Variants in CPSF4 observed in about 807,000 individuals in gnomAD.
CPSF4 encodes the protein cleavage and polyadenylation specific factor 4.
CPSF4 carries 11 observed loss-of-function variants against 37.7 expected under a neutral mutation model. The observed-to-expected ratio is 0.29, with a 90% confidence interval of 0.18 to 0.48. CPSF4 has a LOEUF of 0.48. Ranked by LOEUF, CPSF4 falls within the 20% of genes least tolerant of loss-of-function variation. CPSF4 has a pLI of 0.99. For missense variants in CPSF4, 144 were observed against 359.5 expected (o/e 0.40, Z 4.85); for synonymous variants, 132 against 135.9 (o/e 0.97, Z 0.20).
chr7:99,439,394 T>A (rs1254969987), intron 1 of CPSF4: 3 of 494,856 alleles, frequency 6.1e-6, no homozygotes, highest in African/African-American at 6.0e-5. Flanking sequence ...TCCCCTTTAG[T>A]TACCGAACTC....
At chr7:99,439,209 G>T in intron 1 of CPSF4, 24 bp downstream of exon 1, 1 of 1,554,958 alleles carries the variant, frequency 6.4e-7, no homozygotes. Flanking sequence ...CCGGGCGGGA[G>T]GGCAAGAGCG....
chr7:99,439,560 C>T (rs774637049), intron 1 of CPSF4: 1 of 199,244 alleles, frequency 5.0e-6, no homozygotes, highest in Non-Finnish European at 1.0e-5. Context: ...CAGGAGTTCA[C>T]TGCCTCGGAT....
At position 99,440,338 on chromosome 7, in the gene CPSF4, GTGTTTT is replaced by G. The variant is rs1796789228; in HGVS notation, c.103+1158_103+1163del. ...GTGACCTCTGAGTCTGTCCCTTTATGTGTTTTTGTTGTTGTTGTTTGTTTGCTTTTG... is the reference window on the plus strand; with the variant it reads ...GTGACCTCTGAGTCTGTCCCTTTATGTGTTGTTGTTGTTTGTTTGCTTTTG... On this transcript the variant is annotated intron_variant, in intron 1 of 7. Coordinates refer to ENST00000292476, the MANE Select transcript of CPSF4 (RefSeq NM_006693.4). 2.6e-5 allele frequency among the ~76,000 whole-genome samples: 4 copies of G among 152,002 alleles called. No homozygotes were observed. The South Asian group carries it at 8.3e-4, about 32-fold the overall frequency.
intron 1 of CPSF4, chr7:99,442,962 G>A (rs1797152834): frequency 6.9e-6 from 11 of 1,592,594 alleles, no homozygotes; most frequent in Non-Finnish European, 9.5e-6. Context: ...AGCTGAACTT[G>A]TGACAATCCC....
At chr7:99,443,605 A>G in intron 1 of CPSF4, 1 of 530,422 alleles carries the variant, frequency 1.9e-6, no homozygotes, top group Admixed American at 3.1e-5. Flanking sequence ...CGAGGTCAGG[A>G]GTTCGAGACC....
intron 1 of CPSF4, among the ~76,000 whole-genome samples, chr7:99,442,104 C>CT (rs1375672999): frequency 6.6e-6 from 1 of 152,192 alleles, no homozygotes; most frequent in Non-Finnish European, 1.5e-5. Context: ...GCCAAGGAAT[C>CT]TTTTGTGATT....
At chr7:99,440,655 C>CGCATATATATATAT (rs1363427698) in intron 1 of CPSF4, among the ~76,000 whole-genome samples, 17 of 90,580 alleles carry the variant, frequency 1.9e-4, no homozygotes, top group Admixed American at 1.1e-3. Context: ...CTGCACCTGG[C>CGCATATATATATAT]ATATATATAT....
chr7:99,447,254 CCTTTCTTTTTTTTTTT>C (rs1476090582), intron 2 of CPSF4, among the ~76,000 whole-genome samples: 1 of 146,904 alleles, frequency 6.8e-6, no homozygotes, highest in African/African-American at 2.7e-5. Flanking sequence ...CGGCCAAGTT[CCTTTCTTTTTTTTTTT>C]CTTTTTTTTT....
intron 1 of CPSF4, chr7:99,439,465 G>C (rs1005630766): frequency 3.4e-5 from 12 of 349,482 alleles, no homozygotes; most frequent in Non-Finnish European, 5.2e-5. Flanking sequence ...TCTGGATCCC[G>C]GGACGCTCCC....
In CPSF4 at chr7:99,453,850, A is replaced by G. The variant is rs1445354391; in HGVS notation, c.571-116A>G. On this transcript the variant is annotated intron_variant, in intron 6 of 7. Transcript: ENST00000292476. The surrounding 1 kb of genome is among the most constrained non-coding windows in gnomAD (Gnocchi z 4.7). ...ACTGTCCTGAGGTGGGCCGTCGTGG[A>G]AGCCCTGCTTCCTGCCGTTTGCGGG... 1.1e-6 allele frequency: 1 copy of G among 949,678 alleles called. No homozygotes were observed. The highest frequency in any genetic ancestry group is 2.2e-5 in the Admixed American group (1 of 46,108). The allele number at this position is 949,678 out of a possible 1,614,324, so 58.8% of individuals were successfully genotyped here.
At chr7:99,440,946 TC>T (rs565572357) in intron 1 of CPSF4, among the ~76,000 whole-genome samples, 1 of 144,430 alleles carries the variant, frequency 6.9e-6, no homozygotes, top group African/African-American at 2.6e-5. Context: ...CCTTTTCCTG[TC>T]TTTTTTTTTT....
At position 99,454,122 on chromosome 7, in the gene CPSF4, G is replaced by A; in HGVS notation, c.727G>A (p.Val243Ile). The change falls in exon 7 of 8, where the codon GTC (valine) becomes ATC (isoleucine). Residue 243 changes from valine to isoleucine, a missense_variant. Val to Ile is a conservative substitution (Grantham distance 29, BLOSUM62 3). This residue lies in a region of CPSF4 where 86 missense variants were observed against 141.5 expected (regional missense o/e 0.61). Coordinates refer to ENST00000292476, the MANE Select transcript of CPSF4 (RefSeq NM_006693.4). Reference protein sequence around the residue: ...GNRGPRPLEQVTCYKCGEKGH... With the variant: ...GNRGPRPLEQITCYKCGEKGH... ...CCGGGGACCCCGGCCACTGGAGCAG[G>A]TCACCTGTTACAAGGTGAGTCCCTG... is the stretch of plus-strand genomic sequence containing the variant. 1 of 1,613,852 alleles carries A rather than the reference G, an allele frequency of 6.2e-7. No individual in the cohort carries two copies. The highest frequency in any genetic ancestry group is 8.5e-7 in the Non-Finnish European group (1 of 1,179,890).
chr7:99,451,571 C>T (rs1207014365), intron 5 of CPSF4, among the ~76,000 whole-genome samples: 9 of 152,258 alleles, frequency 5.9e-5, no homozygotes, highest in Admixed American at 2.0e-4. Flanking sequence ...TGCCACTGCA[C>T]TCCAGCCTGG....
At chr7:99,440,085 T>C (rs998269515) in intron 1 of CPSF4, among the ~76,000 whole-genome samples, 2 of 152,216 alleles carry the variant, frequency 1.3e-5, no homozygotes, top group Non-Finnish European at 2.9e-5. Flanking sequence ...TGAAATCTAA[T>C]GCTATAACCT....
rs530131786 is a variant in CPSF4, at chr7:99,453,414, C to G, written c.571-552C>G. On this transcript the variant is annotated intron_variant, in intron 6 of 7. Transcript: ENST00000292476. This position sits in a 1 kb window ranked among gnomAD's most constrained non-coding sequence, Gnocchi z 4.7. ...GTGCCAACCTGGGGGTTTTCTAGCTCGGGTTCTGCACTTACGGGCCAGAGC... is the reference window on the plus strand; with the variant it reads ...GTGCCAACCTGGGGGTTTTCTAGCTGGGGTTCTGCACTTACGGGCCAGAGC... The G allele has an allele frequency of 6.6e-6, 1 of 152,450 alleles. No individual in the cohort carries two copies. The highest frequency in any genetic ancestry group is 2.1e-4 in the South Asian group (1 of 4,834). 9.4% of individuals were successfully genotyped at this position (152,450 alleles called of 1,614,324 possible).
chr7:99,440,200 G>GAGGCGGGCT (rs1796767212), intron 1 of CPSF4, among the ~76,000 whole-genome samples: 1 of 152,046 alleles, frequency 6.6e-6, no homozygotes, highest in African/African-American at 2.4e-5. Flanking sequence ...GTGCATAGCA[G>GAGGCGGGCT]AGGCGGGCAA....
chr7:99,446,980 A>T (rs1797557870), intron 2 of CPSF4, among the ~76,000 whole-genome samples: 1 of 150,876 alleles, frequency 6.6e-6, no homozygotes, highest in African/African-American at 2.4e-5. Flanking sequence ...TAGTAGAGAC[A>T]GGGTTTCATT....
intron 7 of CPSF4, 22 bp from the exon 8 acceptor site, chr7:99,456,410 C>G (rs555529544): frequency 1.2e-5 from 20 of 1,612,148 alleles, no homozygotes; most frequent in Non-Finnish European, 1.7e-5. Context: ...TCTCCTCTTC[C>G]CCCACTTCCT....
intron 2 of CPSF4, 105 bp downstream of exon 2, chr7:99,444,944 ACAG>A: frequency 1.0e-6 from 1 of 971,754 alleles, no homozygotes; most frequent in Admixed American, 1.8e-5. Context: ...ATTGCTTTCT[ACAG>A]ACTAACGATC....
Sources: allele counts gnomAD v4.1 joint callset (sites outside exome capture counted in the v4.1 genomes callset), GRCh38; gene constraint gnomAD v4.1.1; regional missense constraint gnomAD v4.1.1; non-coding constraint Gnocchi (gnomAD v3.1); transcripts MANE v1.5; gene names NCBI Gene and HGNC (gene_info 2026-07-23, HGNC 2026-07-21).